ZNF480: variants seen among roughly 807,000 people sequenced by gnomAD.
The protein encoded by ZNF480 is zinc finger protein 480.
In ZNF480, 15 loss-of-function variants were observed where a neutral mutation model predicts 14.4. The ratio of observed to expected loss-of-function variants is 1.04; its 90% CI spans 0.70 to 1.60. The LOEUF is 1.60. Ranked by LOEUF, ZNF480 falls within the 40% of genes most tolerant of loss-of-function variation. The probability of loss-of-function intolerance (pLI) is 0.00; values close to 1 mark genes in which losing one functional copy is unlikely to be tolerated. For missense variants in ZNF480, 593 were observed against 629.7 expected (o/e 0.94, Z 0.62); for synonymous variants, 218 against 215.5 (o/e 1.01, Z -0.10).
intron 2 of ZNF480, among the ~76,000 whole-genome samples, chr19:52,309,116 G>T (rs764109548): frequency 2.3e-4 from 35 of 152,162 alleles, no homozygotes; most frequent in Admixed American, 1.5e-3. Flanking sequence ...CTCAGTGATT[G>T]TTTTATGATA....
At position 52,325,125 on chromosome 19, in the gene ZNF480, A is replaced by G. The variant is rs1229603767; in HGVS notation, c.*2267A>G. 1 of 152,252 alleles carries G rather than the reference A, an allele frequency of 6.6e-6. No individual in the cohort carries two copies. Among genetic ancestry groups the G allele is most frequent in the Non-Finnish European group, 1.5e-5 (1 of 68,040 alleles). The allele number at this position is 152,252 out of a possible 1,614,324, so 9.4% of individuals were successfully genotyped here. On this transcript the variant is annotated 3_prime_UTR_variant, in exon 5 of 5. Coordinates refer to ENST00000595962, the MANE Select transcript of ZNF480 (RefSeq NM_144684.4). ...AGGCCATGAATAGACCTTTCTCAAAAGAATACATACATGTGGCAATAAGCA... is the reference window on the plus strand; with the variant it reads ...AGGCCATGAATAGACCTTTCTCAAAGGAATACATACATGTGGCAATAAGCA...
chr19:52,314,039 G>A (rs1983422718), intron 2 of ZNF480, 114 bp from the exon 3 acceptor site: 8 of 1,182,376 alleles, frequency 6.8e-6, no homozygotes, highest in African/African-American at 1.6e-5. Context: ...CCTTAATGGG[G>A]ATTCGTCAGA....
At chr19:52,309,678 G>A (rs1254876736) in intron 2 of ZNF480, among the ~76,000 whole-genome samples, 1 of 152,180 alleles carries the variant, frequency 6.6e-6, no homozygotes. Context: ...TCTGGTGGGC[G>A]TGTGTCACAT....
In ZNF480 at chr19:52,314,214, AC is replaced by A; in HGVS notation, c.137del (p.Pro46LeufsTer10). ...EFSQAEWKCL[D>X]PAQRALYKDV... ...TCTCAGGCGGAGTGGAAATGCCTGGACCCTGCACAGAGGGCTTTATACAAGG... is the reference window on the plus strand; with the variant it reads ...TCTCAGGCGGAGTGGAAATGCCTGGACCTGCACAGAGGGCTTTATACAAGG... On this transcript the variant is annotated frameshift_variant, in exon 3 of 5. Transcript: ENST00000595962. LOFTEE classifies it high-confidence loss of function. 1 of 1,585,630 alleles carries A rather than the reference AC, an allele frequency of 6.3e-7. No individual in the cohort carries two copies. The highest frequency in any genetic ancestry group is 8.6e-7 in the Non-Finnish European group (1 of 1,161,988).
chr19:52,297,504 C>T (rs994942163), intron 1 of ZNF480, among the ~76,000 whole-genome samples: 4 of 152,052 alleles, frequency 2.6e-5, no homozygotes, highest in African/African-American at 7.2e-5. Context: ...ACATCCGCCC[C>T]GCACAGCGTA....
At chr19:52,317,166 C>T (rs1465678961) in intron 4 of ZNF480, among the ~76,000 whole-genome samples, 2 of 150,972 alleles carry the variant, frequency 1.3e-5, no homozygotes, top group African/African-American at 4.9e-5. Context: ...TACAGGTGCA[C>T]ACCACCATAC....
Position 52,324,327 on chromosome 19 carries a change from T to C in ZNF480, c.*1469T>C, listed in dbSNP as rs1451478915. ...AAAATTGAAAAATATCTCATGCTCATGGATAGGAAGAATCAGTATTGTTAA... is the reference window on the plus strand; with the variant it reads ...AAAATTGAAAAATATCTCATGCTCACGGATAGGAAGAATCAGTATTGTTAA... On this transcript the variant is annotated 3_prime_UTR_variant, in exon 5 of 5. Transcript: ENST00000595962. 1 of 152,152 alleles carries C rather than the reference T, an allele frequency of 6.6e-6. No homozygotes were observed. Among genetic ancestry groups the C allele is most frequent in the Non-Finnish European group, 1.5e-5 (1 of 68,022 alleles). The allele number at this position is 152,152 out of a possible 1,614,324, so 9.4% of individuals were successfully genotyped here.
chr19:52,303,453 G>C (rs191250751), intron 2 of ZNF480, among the ~76,000 whole-genome samples: 19 of 152,286 alleles, frequency 1.2e-4, no homozygotes, highest in Admixed American at 5.2e-4. Flanking sequence ...TCATATCCAT[G>C]CAGTTTAACA....
At chr19:52,305,675 G>A (rs779396153) in intron 2 of ZNF480, among the ~76,000 whole-genome samples, 53 of 152,108 alleles carry the variant, frequency 3.5e-4, no homozygotes, top group Admixed American at 1.1e-3. Context: ...CACTTTTTGC[G>A]GGGGTTCCTC....
chr19:52,306,327 G>C (rs951905226), intron 2 of ZNF480, among the ~76,000 whole-genome samples: 1 of 152,148 alleles, frequency 6.6e-6, no homozygotes, highest in Non-Finnish European at 1.5e-5. Context: ...GAAGGGTATT[G>C]TTCCCTGCCT....
At chr19:52,311,850 T>C (rs993463454) in intron 2 of ZNF480, among the ~76,000 whole-genome samples, 1 of 151,890 alleles carries the variant, frequency 6.6e-6, no homozygotes, top group African/African-American at 2.4e-5. Flanking sequence ...ATCTAAAAAA[T>C]AGGTTATTGA....
At chr19:52,300,758 C>G in intron 2 of ZNF480, 1 of 504,232 alleles carries the variant, frequency 2.0e-6, no homozygotes, top group Non-Finnish European at 3.5e-6. Flanking sequence ...GGGTTTGACC[C>G]ACATATTTAT....
At chr19:52,314,027 T>C (rs1983422271) in intron 2 of ZNF480, 126 bp from the exon 3 acceptor site, 2 of 1,062,748 alleles carry the variant, frequency 1.9e-6, no homozygotes, top group African/African-American at 1.6e-5. Context: ...ACATCACAGA[T>C]ACCTTAATGG....
chr19:52,323,472 A>G lies in ZNF480; in HGVS notation c.*614A>G, dbSNP rs1310481595. The G allele has an allele frequency of 6.6e-6, 1 of 152,034 alleles. No individual in the cohort carries two copies. Among genetic ancestry groups the G allele is most frequent in the Non-Finnish European group, 1.5e-5 (1 of 68,000 alleles). The allele number at this position is 152,034 out of a possible 1,614,324, so 9.4% of individuals were successfully genotyped here. Reference sequence around the variant, plus strand: ...TCTATGAGGCCAGCATCATTCTAATACCAAAACCTGACAGGCACAATGAAA... The same window carrying G: ...TCTATGAGGCCAGCATCATTCTAATGCCAAAACCTGACAGGCACAATGAAA... On this transcript the variant is annotated 3_prime_UTR_variant, in exon 5 of 5. Coordinates refer to ENST00000595962, the MANE Select transcript of ZNF480 (RefSeq NM_144684.4).
intron 2 of ZNF480, among the ~76,000 whole-genome samples, chr19:52,312,464 T>C (rs1307345397): frequency 6.6e-6 from 1 of 152,150 alleles, no homozygotes; most frequent in Admixed American, 6.5e-5. Context: ...CCAGCCATAA[T>C]GACCTTTTAT....
Position 52,308,945 on chromosome 19 carries a change from C to T in ZNF480, c.73-5208C>T, listed in dbSNP as rs140932422. On this transcript the variant is annotated intron_variant, in intron 2 of 4. Coordinates refer to ENST00000595962, the MANE Select transcript of ZNF480 (RefSeq NM_144684.4). ...TAGGCCATCAAATACAAAACATTCC[C>T]TGTCCTAAATGTCTATGTGACATGT... Among the ~76,000 whole-genome samples the T allele has an allele frequency of 5.4e-3, 815 of 152,224 alleles. 6 individuals are homozygous for T. The highest frequency in any genetic ancestry group is 0.019 in the African/African-American group (771 of 41,504).
intron 2 of ZNF480, among the ~76,000 whole-genome samples, chr19:52,312,669 C>T (rs1983345906): frequency 6.6e-6 from 1 of 152,086 alleles, no homozygotes; most frequent in Non-Finnish European, 1.5e-5. Flanking sequence ...ATCTGTGACA[C>T]AGTTGTCTTC....
chr19:52,322,589 G>GT lies in ZNF480; in HGVS notation c.1340dup (p.Ile448AsnfsTer11). 2 of 1,612,948 alleles carry GT rather than the reference G, an allele frequency of 1.2e-6. No individual in the cohort carries two copies. ...GTATTCAGGCCTTTCAGCCCATCTT[G>GT]TAATCCACACTGGAGAGAAGCCTTA... is the stretch of plus-strand genomic sequence containing the variant. On this transcript the variant is annotated frameshift_variant, in exon 5 of 5. Coordinates refer to ENST00000595962, the MANE Select transcript of ZNF480 (RefSeq NM_144684.4). LOFTEE classifies it low-confidence loss of function (END_TRUNC).
At chr19:52,300,992 CCAA>C (rs1982666110) in intron 2 of ZNF480, 1 of 160,148 alleles carries the variant, frequency 6.2e-6, no homozygotes, top group Non-Finnish European at 1.4e-5. Context: ...CTCCAGTAAG[CCAA>C]CAGCTTCTAG....
Sources: allele counts gnomAD v4.1 joint callset (sites outside exome capture counted in the v4.1 genomes callset), GRCh38; gene constraint gnomAD v4.1.1; transcripts MANE v1.5; gene names NCBI Gene and HGNC (gene_info 2026-07-23, HGNC 2026-07-21).